Variants in EPG5 observed in about 807,000 individuals in gnomAD.
The protein encoded by EPG5 is ectopic P-granules 5 autophagy tethering factor, also known as ectopic P granules protein 5 homolog.
Under a neutral mutation model 302.7 loss-of-function variants are expected in EPG5, and 159 were observed. The observed-to-expected ratio is 0.53, with a 90% CI of 0.46 to 0.60. EPG5 has a LOEUF of 0.60. Ranked by LOEUF, EPG5 falls within the 20% of genes least tolerant of loss-of-function variation. The pLI, the probability that EPG5 is intolerant of heterozygous loss-of-function variation, is 0.00. For missense variants in EPG5, 2,896 were observed against 3,092.4 expected (o/e 0.94, Z 1.51); for synonymous variants, 1,158 against 1,136.8 (o/e 1.02, Z -0.37).
intron 36 of EPG5, 147 bp from the exon 37 acceptor site, chr18:45,867,895 G>C: frequency 1.4e-6 from 1 of 729,770 alleles, no homozygotes; most frequent in South Asian, 1.6e-5. Context: ...TAGAGATTTA[G>C]ACTTAATATT....
At chr18:45,922,125 C>T (rs2050168081) in intron 16 of EPG5, among the ~76,000 whole-genome samples, 1 of 152,128 alleles carries the variant, frequency 6.6e-6, no homozygotes, top group African/African-American at 2.4e-5. Flanking sequence ...GAACTCTCTT[C>T]ATAAAGTAAC....
intron 32 of EPG5, 41 bp from the exon 33 acceptor site, chr18:45,879,255 T>C (rs1291108513): frequency 1.4e-6 from 2 of 1,423,900 alleles, no homozygotes; most frequent in East Asian, 2.3e-5. Flanking sequence ...ACTAAATATG[T>C]ATTTTAGTAA....
intron 39 of EPG5, among the ~76,000 whole-genome samples, chr18:45,861,091 G>A (rs1398667303): frequency 6.6e-6 from 1 of 152,166 alleles, no homozygotes; most frequent in Non-Finnish European, 1.5e-5. Context: ...ACACCACAAG[G>A]ATTCAGTATT....
chr18:45,878,884 C>T, intron 33 of EPG5, 129 bp downstream of exon 33: 2 of 700,924 alleles, frequency 2.9e-6, no homozygotes, highest in Admixed American at 2.7e-5. Context: ...TATATGGGCT[C>T]ATGCCTGTTC....
At position 45,852,280 on chromosome 18, in the gene EPG5, A is replaced by C. The variant is rs909348980; in HGVS notation, c.*187T>G. The C allele has an allele frequency of 8.2e-5, 40 of 488,494 alleles. No homozygotes were observed. Among genetic ancestry groups the C allele is most frequent in the African/African-American group, 7.7e-4 (38 of 49,082 alleles). The allele number at this position is 488,494 out of a possible 1,614,324, so 30.3% of individuals were successfully genotyped here. On this transcript the variant is annotated 3_prime_UTR_variant, in exon 44 of 44. Transcript: ENST00000282041. ...CCCAGAAGGTCTTAAGAGCTAAGAA[A>C]ACACACACACACACACACACACACC...
At chr18:45,880,606 A>G (rs964018585) in intron 31 of EPG5, among the ~76,000 whole-genome samples, 6 of 152,124 alleles carry the variant, frequency 3.9e-5, no homozygotes, top group African/African-American at 1.4e-4. Context: ...CGGAAACCAC[A>G]TGATGAAGGC....
chr18:45,876,217 C>T lies in EPG5; in HGVS notation c.6049+19G>A. The T allele has an allele frequency of 3.2e-6, 5 of 1,552,080 alleles. No individual in the cohort carries two copies. Among genetic ancestry groups the T allele is most frequent in the Non-Finnish European group, 4.4e-6 (5 of 1,123,698 alleles). On this transcript the variant is annotated intron_variant, in intron 35 of 43. Transcript: ENST00000282041. The stretch of plus-strand genomic sequence containing the variant: ...GGGAAAAATGAAAACTAAGCAGAGA[C>T]AGCCTGACATCTTCCTACCTTTAAA...
In EPG5 at chr18:45,967,177, CTTTG is replaced by C; in HGVS notation, c.59_62del (p.Thr20ArgfsTer31). On this transcript the variant is annotated frameshift_variant and splice_region_variant, in exon 1 of 44. Coordinates refer to ENST00000282041, the MANE Select transcript of EPG5 (RefSeq NM_020964.3). LOFTEE classifies it high-confidence loss of function. ...TCGGGAGGGTGGGGGAGATCCTCAC[CTTTG>C]TTTTAGTCCGGCTGGCCTTGGCCTT... The C allele has an allele frequency of 1.2e-6, 2 of 1,600,620 alleles. No homozygotes were observed. Among genetic ancestry groups the C allele is most frequent in the Non-Finnish European group, 1.7e-6 (2 of 1,173,654 alleles).
chr18:45,813,658 C>CG, the EPG5 span, among the ~76,000 whole-genome samples: 1 of 151,532 alleles, frequency 6.6e-6, no homozygotes, highest in Non-Finnish European at 1.5e-5. Context: ...AGCAAACTCT[C>CG]ACAAGGACAA....
chr18:45,874,760 C>T (rs554921679), intron 35 of EPG5, among the ~76,000 whole-genome samples: 1 of 152,292 alleles, frequency 6.6e-6, no homozygotes, highest in East Asian at 1.9e-4. Context: ...ACTGCCAAAC[C>T]ATATCACTCT....
the EPG5 span, chr18:45,840,981 A>C: frequency 1.3e-5 from 2 of 152,292 alleles, no homozygotes; most frequent in African/African-American, 4.8e-5. Context: ...TTTAACAAAT[A>C]CTTATTGAGT....
At chr18:45,858,824 C>G (rs1353594914) in intron 40 of EPG5, 42 bp from the exon 41 acceptor site, 1 of 1,441,050 alleles carries the variant, frequency 6.9e-7, no homozygotes, top group Admixed American at 1.7e-5. Context: ...AGGCAAGAAT[C>G]CAATTACTTG....
At chr18:45,899,330 T>A (rs550396183) in intron 27 of EPG5, 74 bp downstream of exon 27, 54 of 1,553,670 alleles carry the variant, frequency 3.5e-5, no homozygotes, top group African/African-American at 3.2e-4. Flanking sequence ...TGTCTTTCAA[T>A]CTTTCTCATT....
rs764974323 is a variant in EPG5, at chr18:45,852,377, T to C, written c.*90A>G. 11 of 1,233,118 alleles carry C rather than the reference T, an allele frequency of 8.9e-6. No homozygotes were observed. Among genetic ancestry groups the C allele is most frequent in the Admixed American group, 2.2e-5 (1 of 45,012 alleles). 76.4% of individuals were successfully genotyped at this position (1,233,118 alleles called of 1,614,324 possible). A position where few individuals can be genotyped will look rare whatever the true frequency, so the allele number is the denominator to read the frequency against. On this transcript the variant is annotated 3_prime_UTR_variant, in exon 44 of 44. Coordinates refer to ENST00000282041, the MANE Select transcript of EPG5 (RefSeq NM_020964.3). ...ACTACACATTGGCCAAACTGAGCTC[T>C]ACAGTGCAATTGAGCAAAGTTACTT...
At chr18:45,888,250 C>T (rs2049261114) in intron 28 of EPG5, among the ~76,000 whole-genome samples, 1 of 151,810 alleles carries the variant, frequency 6.6e-6, no homozygotes. Flanking sequence ...GGATTACAGG[C>T]ACACGCTACC....
the EPG5 span, among the ~76,000 whole-genome samples, chr18:45,831,510 C>T: frequency 6.6e-6 from 1 of 152,148 alleles, no homozygotes; most frequent in Non-Finnish European, 1.5e-5. Context: ...GAGCAATGGC[C>T]AGACTGTCAA....
At chr18:45,817,524 G>A in the EPG5 span, among the ~76,000 whole-genome samples, 1 of 152,340 alleles carries the variant, frequency 6.6e-6, no homozygotes, top group African/African-American at 2.4e-5. Context: ...ATCTCATGAG[G>A]TTGCAGCTAA....
At chr18:45,900,275 G>A (rs761079770) in intron 26 of EPG5, among the ~76,000 whole-genome samples, 5 of 151,906 alleles carry the variant, frequency 3.3e-5, no homozygotes, top group Non-Finnish European at 5.9e-5. Flanking sequence ...GGTAGTGGGC[G>A]CCTATAGTCC....
chr18:45,952,468 G>A lies in EPG5; in HGVS notation c.1184C>T (p.Ser395Phe). The A allele has an allele frequency of 6.2e-7, 1 of 1,614,190 alleles. No homozygotes were observed. Among genetic ancestry groups the A allele is most frequent in the East Asian group, 2.2e-5 (1 of 44,894 alleles). The change falls in exon 3 of 44, where the codon TCT becomes TTT. Residue 395 changes from serine to phenylalanine, a missense_variant. Ser to Phe is a radical substitution (Grantham distance 155). Transcript: ENST00000282041. ...TSVLSRLQVESYIYALLSSSA... is the reference protein window; with the variant it reads ...TSVLSRLQVEFYIYALLSSSA... ...ACTACTGAGCAATGCATAGATGTAA[G>A]ACTCCACTTGCAATCTTGAGAGCAC... is the stretch of plus-strand genomic sequence containing the variant.
Sources: allele counts gnomAD v4.1 joint callset (sites outside exome capture counted in the v4.1 genomes callset), GRCh38; gene constraint gnomAD v4.1.1; transcripts MANE v1.5; gene names NCBI Gene and HGNC (gene_info 2026-07-23, HGNC 2026-07-21).